Variants in ZNF496 observed in about 807,000 individuals in gnomAD.
ZNF496 encodes zinc finger protein 496.
A neutral mutation model predicts 58.9 loss-of-function variants in ZNF496; 11 were observed. That is an observed-to-expected ratio of 0.19 (90% confidence interval 0.12 to 0.31). The LOEUF (loss-of-function observed/expected upper bound fraction) is 0.31. ZNF496 is among the 10% of genes least tolerant of loss of function. The probability of loss-of-function intolerance (pLI) is 1.00; values close to 1 mark genes in which losing one functional copy is unlikely to be tolerated. For synonymous variants in ZNF496, 338 were observed against 318.2 expected, an observed-to-expected ratio of 1.06 and a Z score of -0.66; for missense variants, 660 against 783.0, an observed-to-expected ratio of 0.84 and a Z score of 1.88.
chr1:247,323,117 C>T, intron 6 of ZNF496, 37 bp downstream of exon 6: 1 of 1,573,576 alleles, frequency 6.4e-7, no homozygotes, highest in South Asian at 1.1e-5. Context: ...CAGAGGCAAA[C>T]AGGGGATTTT....
chr1:247,316,874 T>C (rs567487294), intron 6 of ZNF496, among the ~76,000 whole-genome samples: 5 of 152,208 alleles, frequency 3.3e-5, no homozygotes, highest in African/African-American at 1.2e-4. Context: ...AAACAGGACA[T>C]TGATCTACAG....
intron 6 of ZNF496, among the ~76,000 whole-genome samples, chr1:247,317,785 C>G (rs1046331693): frequency 2.0e-5 from 3 of 152,118 alleles, no homozygotes; most frequent in African/African-American, 7.2e-5. Flanking sequence ...CCAGCCACAC[C>G]GAAGTTAAGG....
intron 5 of ZNF496, among the ~76,000 whole-genome samples, chr1:247,326,250 C>A (rs1297802236): frequency 6.6e-6 from 1 of 151,866 alleles, no homozygotes; most frequent in Non-Finnish European, 1.5e-5. Context: ...GCAGACCCTA[C>A]ACAAAATCTA....
intron 6 of ZNF496, chr1:247,311,416 AACACACACACAGAGACAC>A (rs1198062362): frequency 1.0e-4 from 11 of 108,128 alleles, no homozygotes; most frequent in African/African-American, 3.4e-4. Context: ...AAAAAAACAA[AACACACACACAGAGACAC>A]ACACACACAC....
chr1:247,300,880 C>T lies in ZNF496; in HGVS notation c.1403G>A (p.Cys468Tyr). 6.2e-7 allele frequency: 1 copy of T among 1,611,658 alleles called. No individual in the cohort carries two copies. The highest frequency in any genetic ancestry group is 8.5e-7 in the Non-Finnish European group (1 of 1,178,546). The change falls in exon 10 of 10, where the codon TGC (cysteine) becomes TAC (tyrosine). Residue 468 changes from cysteine to tyrosine, a missense_variant. Coordinates refer to ENST00000682384, the MANE Select transcript of ZNF496 (RefSeq NM_032752.3). The surrounding 1 kb of genome is among the most constrained non-coding windows in gnomAD (Gnocchi z 5.7). ...GGAGTTCAGGCGGAAGCTCTTCCCG[C>T]AGGCACCACACCGGTAAGGCTTCTG... ...EAQKPYRCGA[C>Y]GKSFRLNSHL...
At chr1:247,305,498 G>A (rs1029674657) in intron 9 of ZNF496, among the ~76,000 whole-genome samples, 1 of 152,238 alleles carries the variant, frequency 6.6e-6, no homozygotes, top group Admixed American at 6.5e-5. Flanking sequence ...GCTGCTGCAA[G>A]TGCTTGTTGC....
At chr1:247,304,420 G>A (rs1381209067) in intron 9 of ZNF496, among the ~76,000 whole-genome samples, 1 of 150,222 alleles carries the variant, frequency 6.7e-6, no homozygotes, top group Non-Finnish European at 1.5e-5. Flanking sequence ...TGCCCAGGCT[G>A]GAGTGCAATG....
intron 9 of ZNF496, chr1:247,307,547 A>C: frequency 2.0e-6 from 2 of 985,468 alleles, no homozygotes; most frequent in Non-Finnish European, 2.4e-6. Context: ...CTTGGCACGC[A>C]GAGGTGGGCT....
chr1:247,314,458 A>T (rs10732300), intron 6 of ZNF496, among the ~76,000 whole-genome samples: 133,004 of 151,864 alleles, frequency 0.88, 60,511 homozygotes, highest in East Asian at 1. Flanking sequence ...TAAAATTTCA[A>T]TTTAAAATGA....
intron 5 of ZNF496, 156 bp downstream of exon 5, chr1:247,328,527 A>G (rs1404755900): frequency 1.5e-6 from 1 of 685,594 alleles, no homozygotes; most frequent in Non-Finnish European, 2.3e-6. Context: ...TGCTCTAGGA[A>G]GGGACTCAGA....
chr1:247,322,865 G>A, intron 6 of ZNF496: 1 of 1,133,328 alleles, frequency 8.8e-7, no homozygotes, highest in South Asian at 1.4e-5. Flanking sequence ...TAGACATGCT[G>A]AGAGGCCCAT....
At chr1:247,302,879 G>A (rs1454252385) in intron 9 of ZNF496, among the ~76,000 whole-genome samples, 2 of 152,164 alleles carry the variant, frequency 1.3e-5, no homozygotes, top group Non-Finnish European at 2.9e-5. Context: ...CGATGACAAG[G>A]TACTTGATCA....
chr1:247,316,411 A>G (rs1659783078), intron 6 of ZNF496, among the ~76,000 whole-genome samples: 1 of 152,034 alleles, frequency 6.6e-6, no homozygotes, highest in Non-Finnish European at 1.5e-5. Context: ...GCAGTATTGA[A>G]AGGTGTGGCC....
At chr1:247,325,198 C>G (rs900161775) in intron 5 of ZNF496, among the ~76,000 whole-genome samples, 8 of 152,128 alleles carry the variant, frequency 5.3e-5, no homozygotes, top group Admixed American at 5.2e-4. Context: ...AGGACGGGGC[C>G]AGGAGCCCAC....
At position 247,306,793 on chromosome 1, in the gene ZNF496, G is replaced by A. The variant is rs112184629; in HGVS notation, c.1006+1682C>T. Among the ~76,000 whole-genome samples the A allele has an allele frequency of 1.2e-3, 179 of 152,178 alleles. No individual in the cohort carries two copies. The Middle Eastern group carries it at 0.017, about 14-fold the overall frequency. On this transcript the variant is annotated intron_variant, in intron 9 of 9. Transcript: ENST00000682384. ...TGAGATTACAGGCATGAACCACTGC[G>A]CCCAGCCTGAGTTCAAATCTTCACT...
chr1:247,307,578 G>A, intron 9 of ZNF496: 1 of 985,352 alleles, frequency 1.0e-6, no homozygotes, highest in Non-Finnish European at 1.2e-6. Flanking sequence ...CCAGGGGTGG[G>A]CATCCATGCT....
rs760183972 is a variant in ZNF496, at chr1:247,310,503, G to T, written c.652-47C>A. 8 of 1,610,494 alleles carry T rather than the reference G, an allele frequency of 5.0e-6. No homozygotes were observed. The African/African-American group carries it at 6.7e-5, about 13-fold the overall frequency. ...GATGCCTCAGTCCGGGACGAGCTAG[G>T]TGTCTCAGTCTTAGTCCACTGAGGC... On this transcript the variant is annotated intron_variant, in intron 6 of 9. Transcript: ENST00000682384.
In ZNF496 at chr1:247,298,720, C is replaced by A. The variant is rs2103013346; in HGVS notation, c.*1799G>T. 6.6e-6 allele frequency: 1 copy of A among 152,370 alleles called. No homozygotes were observed. The highest frequency in any genetic ancestry group is 1.9e-4 in the East Asian group (1 of 5,188). The allele number at this position is 152,370 out of a possible 1,614,324, so 9.4% of individuals were successfully genotyped here. On this transcript the variant is annotated 3_prime_UTR_variant, in exon 10 of 10. Transcript: ENST00000682384. ...TGTGACATATGAATAATACAAAATA[C>A]CCGTCTGGTTTGACTTGCAGATTAA...
chr1:247,309,600 A>G lies in ZNF496; in HGVS notation c.892+99T>C. ...AGAGTCTGGGGAAATGAAGAAGGCAATTAGGGGCCGCAGAGAGAAGCCAGA... is the reference window on the plus strand; with the variant it reads ...AGAGTCTGGGGAAATGAAGAAGGCAGTTAGGGGCCGCAGAGAGAAGCCAGA... On this transcript the variant is annotated intron_variant, in intron 8 of 9. Transcript: ENST00000682384. The surrounding 1 kb of genome is among the most constrained non-coding windows in gnomAD (Gnocchi z 4.3). The G allele has an allele frequency of 1.3e-6, 2 of 1,524,070 alleles. No individual in the cohort carries two copies. The highest frequency in any genetic ancestry group is 1.3e-5 in the South Asian group (1 of 78,590). The allele number at this position is 1,524,070 out of a possible 1,614,324, so 94.4% of individuals were successfully genotyped here.
Sources: allele counts gnomAD v4.1 joint callset (sites outside exome capture counted in the v4.1 genomes callset), GRCh38; gene constraint gnomAD v4.1.1; non-coding constraint Gnocchi (gnomAD v3.1); transcripts MANE v1.5; gene names NCBI Gene and HGNC (gene_info 2026-07-23, HGNC 2026-07-21).